Variants in RFFL observed in about 807,000 individuals in gnomAD.
The protein encoded by RFFL is E3 ubiquitin-protein ligase rififylin.
In RFFL, 16 loss-of-function variants were observed where a neutral mutation model predicts 40.4. The observed-to-expected ratio is 0.40, with a 90% CI of 0.27 to 0.60. The LOEUF (loss-of-function observed/expected upper bound fraction) is 0.60. Ranked by LOEUF, RFFL falls within the 20% of genes least tolerant of loss-of-function variation. RFFL has a pLI of 0.47. For missense variants in RFFL, 367 were observed against 451.7 expected, an observed-to-expected ratio of 0.81 and a Z score of 1.70; for synonymous variants, 154 against 167.9, an observed-to-expected ratio of 0.92 and a Z score of 0.64.
intron 1 of RFFL, chr17:35,069,512 T>C: frequency 2.8e-6 from 1 of 358,124 alleles, no homozygotes; most frequent in Non-Finnish European, 5.5e-6. Context: ...GAAGGAGAGA[T>C]TTCAAAATAA....
At chr17:35,018,546 A>C (rs763048805) in intron 3 of RFFL, 1 of 152,234 alleles carries the variant, frequency 6.6e-6, no homozygotes, top group Non-Finnish European at 1.5e-5. Context: ...CTGAGCTCAC[A>C]GGCCTTTTCC....
At position 35,033,787 on chromosome 17, in the gene RFFL, G is replaced by A. The variant is rs900635887; in HGVS notation, c.-8-7226C>T. Among the ~76,000 whole-genome samples the A allele has an allele frequency of 3.3e-5, 5 of 151,874 alleles. No individual in the cohort carries two copies. In the South Asian group the frequency reaches 8.3e-4, roughly 25 times the overall value. On this transcript the variant is annotated intron_variant, in intron 1 of 6. Coordinates refer to ENST00000394597, the MANE Select transcript of RFFL (RefSeq NM_001017368.2). ...GTTGGGAGGCCAAGGCAGGAGAATC[G>A]CTTGAGGCCAGGAATTCATGATCAA...
intron 1 of RFFL, among the ~76,000 whole-genome samples, chr17:35,029,920 C>T (rs1048131343): frequency 1.3e-5 from 2 of 150,118 alleles, no homozygotes; most frequent in Non-Finnish European, 1.5e-5. Context: ...CAATTCCCAC[C>T]TATGAGCGAG....
Position 35,081,564 on chromosome 17 carries a change from G to C in RFFL, c.-9+7541C>G, listed in dbSNP as rs1597846286. On this transcript the variant is annotated intron_variant, in intron 1 of 6. Coordinates refer to the RFFL transcript ENST00000315249. ...GAAAAAAATAATCTCTGGGTAAAAG[G>C]CCAAACATTGTCTCTTCTGAATGCT... Among the ~76,000 whole-genome samples the C allele has an allele frequency of 2.0e-5, 3 of 152,038 alleles. No homozygotes were observed. The South Asian group carries it at 6.2e-4, about 32-fold the overall frequency.
intron 1 of RFFL, among the ~76,000 whole-genome samples, chr17:35,087,896 C>G (rs2091438819): frequency 6.6e-6 from 1 of 152,122 alleles, no homozygotes; most frequent in African/African-American, 2.4e-5. Flanking sequence ...CCTGAAATCC[C>G]CTGAACAGAA....
intron 1 of RFFL, among the ~76,000 whole-genome samples, chr17:35,078,024 T>G (rs1192316783): frequency 6.6e-6 from 1 of 151,856 alleles, no homozygotes; most frequent in Non-Finnish European, 1.5e-5. Flanking sequence ...TTCTCAATCT[T>G]TTTTTTTATG....
chr17:35,088,644 C>T (rs958071943), intron 1 of RFFL: 1 of 152,572 alleles, frequency 6.6e-6, no homozygotes, highest in Non-Finnish European at 1.5e-5. Flanking sequence ...CTCCATCAAA[C>T]CTCCAAACTC....
rs566747261 is a variant in RFFL, at chr17:35,051,412, C to T, written c.-9+12164G>A. Among the ~76,000 whole-genome samples, 4 of 152,280 alleles carry T rather than the reference C, an allele frequency of 2.6e-5. No homozygotes were observed. The East Asian group carries it at 7.7e-4, about 29-fold the overall frequency. ...TTTGGGCTATCTGATCTCTTTCCACCGCTGTACCCTAGACCTTCAACAAGT... is the reference window on the plus strand; with the variant it reads ...TTTGGGCTATCTGATCTCTTTCCACTGCTGTACCCTAGACCTTCAACAAGT... On this transcript the variant is annotated intron_variant, in intron 1 of 6. Transcript: ENST00000394597.
intron 1 of RFFL, among the ~76,000 whole-genome samples, chr17:35,087,601 G>A (rs1160602187): frequency 6.6e-6 from 1 of 152,102 alleles, no homozygotes; most frequent in Admixed American, 6.5e-5. Context: ...GCTGGTCTTT[G>A]TAATTAGACG....
chr17:35,018,929 T>A lies in RFFL; in HGVS notation c.592-1323A>T, dbSNP rs573254202. 11 of 152,390 alleles carry A rather than the reference T, an allele frequency of 7.2e-5. No individual in the cohort carries two copies. In the South Asian group the frequency reaches 2.3e-3, roughly 32 times the overall value. 9.4% of individuals were successfully genotyped at this position (152,390 alleles called of 1,614,324 possible). A position where few individuals can be genotyped will look rare whatever the true frequency, so the allele number is the denominator to read the frequency against. ...TTTCCTAGAAAGAGAAACGACCTCA[T>A]GCTGCAAAGCATGCTCTTGTCTTTC... On this transcript the variant is annotated intron_variant, in intron 3 of 6. Coordinates refer to ENST00000394597, the MANE Select transcript of RFFL (RefSeq NM_001017368.2).
chr17:35,033,847 A>G (rs1597822164), intron 1 of RFFL, among the ~76,000 whole-genome samples: 1 of 151,772 alleles, frequency 6.6e-6, no homozygotes, highest in African/African-American at 2.4e-5. Flanking sequence ...TCTCTATAAA[A>G]AATAATAATA....
In RFFL at chr17:35,048,831, C is replaced by A. The variant is rs115558251; in HGVS notation, c.-9+14745G>T. ...CAGGATGAATTCAGACTAAGCACCC[C>A]CTTCCTCCCACAGACCTTTAGCTTG... On this transcript the variant is annotated intron_variant, in intron 1 of 6. Coordinates refer to ENST00000394597, the MANE Select transcript of RFFL (RefSeq NM_001017368.2). 7.0e-3 allele frequency among the ~76,000 whole-genome samples: 1,065 copies of A among 152,268 alleles called. 11 individuals are homozygous for A. The highest frequency in any genetic ancestry group is 0.024 in the African/African-American group (979 of 41,538).
At chr17:35,030,862 G>A (rs1175311917) in intron 1 of RFFL, among the ~76,000 whole-genome samples, 1 of 152,062 alleles carries the variant, frequency 6.6e-6, no homozygotes, top group African/African-American at 2.4e-5. Flanking sequence ...CTTAAGGGCT[G>A]TGTTACCTCC....
chr17:35,017,487 G>T, intron 4 of RFFL, 36 bp downstream of exon 4: 1 of 1,379,724 alleles, frequency 7.2e-7, no homozygotes, highest in South Asian at 1.2e-5. Flanking sequence ...AGTGAAAGAG[G>T]AAAGGTGAAG....
chr17:35,022,757 T>C (rs1034917349), intron 2 of RFFL, among the ~76,000 whole-genome samples: 9 of 152,092 alleles, frequency 5.9e-5, no homozygotes, highest in African/African-American at 2.2e-4. Flanking sequence ...GAAGGCCCAC[T>C]CAGAGTGCTG....
chr17:35,007,030 C>G lies in RFFL; in HGVS notation c.*4938G>C, dbSNP rs1316754231. 1 of 152,274 alleles carries G rather than the reference C, an allele frequency of 6.6e-6. No individual in the cohort carries two copies. Among genetic ancestry groups the G allele is most frequent in the Non-Finnish European group, 1.5e-5 (1 of 68,084 alleles). 9.4% of individuals were successfully genotyped at this position (152,274 alleles called of 1,614,324 possible). On this transcript the variant is annotated 3_prime_UTR_variant, in exon 7 of 7. Coordinates refer to ENST00000394597, the MANE Select transcript of RFFL (RefSeq NM_001017368.2). ...TCTATGGAGACAAAAAGCTGCTCCT[C>G]CTTTGAGTACTGACCTACATAGATT...
chr17:35,053,168 G>A (rs1187054596), intron 1 of RFFL, among the ~76,000 whole-genome samples: 1 of 152,168 alleles, frequency 6.6e-6, no homozygotes, highest in East Asian at 1.9e-4. Context: ...GGAGCTGGAA[G>A]AAACTCAAAA....
At chr17:35,015,418 C>T (rs1191496664) in intron 5 of RFFL, among the ~76,000 whole-genome samples, 1 of 152,234 alleles carries the variant, frequency 6.6e-6, no homozygotes, top group Non-Finnish European at 1.5e-5. Flanking sequence ...GTCAGAGAAT[C>T]TGGATAAAGT....
intron 3 of RFFL, 96 bp from the exon 4 acceptor site, chr17:35,017,702 T>C: frequency 1.2e-6 from 1 of 820,778 alleles, no homozygotes; most frequent in Non-Finnish European, 2.0e-6. Context: ...CAGAATGTAC[T>C]CCCATCATGC....
Sources: gnomAD v4.1 joint callset for allele counts (sites outside exome capture counted in the v4.1 genomes callset) on GRCh38, gnomAD v4.1.1 for gene constraint, MANE v1.5 for transcripts, NCBI Gene and HGNC (gene_info 2026-07-23, HGNC 2026-07-21) for gene names.